The following SCAMP5 variants were observed in gnomAD, a reference collection of about 807,000 sequenced individuals.
SCAMP5 encodes secretory carrier-associated membrane protein 5.
A neutral mutation model predicts 28.3 loss-of-function variants in SCAMP5; 7 were observed. The ratio of observed to expected loss-of-function variants is 0.25; its 90% CI spans 0.14 to 0.46. SCAMP5 has a LOEUF of 0.46. SCAMP5 is among the 20% of genes least tolerant of loss of function. The probability of loss-of-function intolerance (pLI) is 0.99; values close to 1 mark genes in which losing one functional copy is unlikely to be tolerated. For synonymous variants in SCAMP5, 117 were observed against 116.4 expected, an observed-to-expected ratio of 1.00 and a Z score of -0.03; for missense variants, 192 against 312.5, an observed-to-expected ratio of 0.61 and a Z score of 2.91.
chr15:75,013,885 T>C (rs1363866004), intron 3 of SCAMP5, among the ~76,000 whole-genome samples: 1 of 152,028 alleles, frequency 6.6e-6, no homozygotes, highest in Non-Finnish European at 1.5e-5. Context: ...GCATCAATGT[T>C]CTAAGGTTTT....
intron 3 of SCAMP5, among the ~76,000 whole-genome samples, chr15:75,014,754 G>A (rs1034396870): frequency 8.5e-5 from 13 of 152,188 alleles, no homozygotes; most frequent in African/African-American, 3.1e-4. Flanking sequence ...GAGCTCATGG[G>A]TATCCATTCC....
intron 3 of SCAMP5, among the ~76,000 whole-genome samples, chr15:75,016,105 C>T (rs1042969194): frequency 6.6e-6 from 1 of 152,084 alleles, no homozygotes; most frequent in Non-Finnish European, 1.5e-5. Context: ...AGGTCGGTTT[C>T]CCATGTCTTG....
chr15:75,009,858 A>T (rs2065795121), intron 1 of SCAMP5: 1 of 152,200 alleles, frequency 6.6e-6, no homozygotes, highest in Non-Finnish European at 1.5e-5. Context: ...TGCTTGGAGA[A>T]TGTTCACAAA....
chr15:75,002,370 C>A (rs1056151638), intron 1 of SCAMP5, among the ~76,000 whole-genome samples: 1 of 151,942 alleles, frequency 6.6e-6, no homozygotes, highest in Non-Finnish European at 1.5e-5. Context: ...ATGTATCCTA[C>A]ACATCTCTGG....
At chr15:75,017,043 A>G (rs772907904) in intron 4 of SCAMP5, among the ~76,000 whole-genome samples, 3 of 151,080 alleles carry the variant, frequency 2.0e-5, no homozygotes, top group Non-Finnish European at 4.4e-5. Flanking sequence ...AGGCAGCTGC[A>G]TGTTAAATTT....
intron 1 of SCAMP5, among the ~76,000 whole-genome samples, chr15:75,006,413 G>A (rs59553005): frequency 0.021 from 3,148 of 152,162 alleles, 103 homozygotes; most frequent in African/African-American, 0.072. Context: ...AGCACTTTGG[G>A]AGGCTGAGGT....
intron 1 of SCAMP5, among the ~76,000 whole-genome samples, chr15:75,003,222 C>G (rs183370661): frequency 2.9e-4 from 44 of 152,322 alleles, no homozygotes; most frequent in African/African-American, 1.0e-3. Flanking sequence ...GGTGCCCAGC[C>G]TGCAAATTGG....
chr15:75,015,180 C>CT (rs3833823), intron 3 of SCAMP5, among the ~76,000 whole-genome samples: 25,911 of 152,042 alleles, frequency 0.17, 3,283 homozygotes, highest in South Asian at 0.43. Context: ...CCTTGAGGTG[C>CT]TTAAGGGTTC....
intron 1 of SCAMP5, among the ~76,000 whole-genome samples, chr15:75,011,050 T>C (rs888226200): frequency 1.3e-5 from 2 of 151,864 alleles, no homozygotes; most frequent in Non-Finnish European, 2.9e-5. Flanking sequence ...CAAAAAAATA[T>C]AAAAATTAGC....
Position 75,018,916 on chromosome 15 carries a change from G to T in SCAMP5, c.641G>T (p.Gly214Val). ...AACGCAGCCATGGGGGCAGCCCAGG[G>T]TGCCATGAATCAGCCTCAGACTCAG... ...AQNAAMGAAQ[G>V]AMNQPQTQYS... Residue 214 changes from glycine (G) to valine (V), a missense_variant, in exon 7 of 7, where the codon GGT becomes GTT. Transcript: ENST00000425597. This position sits in a 1 kb window ranked among gnomAD's most constrained non-coding sequence, Gnocchi z 5.6. The T allele has an allele frequency of 6.3e-7, 1 of 1,575,778 alleles. No homozygotes were observed. Among genetic ancestry groups the T allele is most frequent in the Non-Finnish European group, 8.6e-7 (1 of 1,169,030 alleles).
Position 75,011,780 on chromosome 15 carries a change from C to T in SCAMP5, c.-48-12C>T. The T allele has an allele frequency of 1.3e-6, 2 of 1,546,264 alleles. No homozygotes were observed. The highest frequency in any genetic ancestry group is 1.8e-6 in the Non-Finnish European group (2 of 1,120,596). On this transcript the variant is annotated splice_polypyrimidine_tract_variant and intron_variant, in intron 1 of 6. Coordinates refer to ENST00000425597, the MANE Select transcript of SCAMP5 (RefSeq NM_138967.4). ...CTGATCTCATCCTTCTCTGGCTTTT[C>T]TTTCCTTGCAGTTCAGGACAAAGAG...
chr15:75,018,753 T>C lies in SCAMP5; in HGVS notation c.514-36T>C. The C allele has an allele frequency of 6.5e-7, 1 of 1,528,448 alleles. No individual in the cohort carries two copies. The highest frequency in any genetic ancestry group is 2.2e-5 in the East Asian group (1 of 44,472). 94.7% of individuals were successfully genotyped at this position (1,528,448 alleles called of 1,614,324 possible). On this transcript the variant is annotated intron_variant, in intron 6 of 6. Transcript: ENST00000425597. This position sits in a 1 kb window ranked among gnomAD's most constrained non-coding sequence, Gnocchi z 5.6. ...TTTCCTGGATGGGCTGCCTTTTCTC[T>C]TTGATTAACCCTTCTTTACGCTCTT...
rs1463987909 is a variant in SCAMP5, at chr15:75,018,839, G to A, written c.564G>A (p.Glu188=). 1 of 1,601,556 alleles carries A rather than the reference G, an allele frequency of 6.2e-7. No individual in the cohort carries two copies. ...GGGGGAGTTTCAGCAAAGCTCAGGAGGAGTGGACCACAGGGGCCTGGAAGA... is the reference window on the plus strand; with the variant it reads ...GGGGGAGTTTCAGCAAAGCTCAGGAAGAGTGGACCACAGGGGCCTGGAAGA... ...GSGGSFSKAQ[E]EWTTGAWKNP... is the part of the protein sequence containing the mutation. The change falls in exon 7 of 7, where the codon GAG becomes GAA. Residue 188 remains glutamate, a synonymous_variant. Coordinates refer to ENST00000425597, the MANE Select transcript of SCAMP5 (RefSeq NM_138967.4). This position sits in a 1 kb window ranked among gnomAD's most constrained non-coding sequence, Gnocchi z 5.6.
At chr15:75,014,095 G>T (rs2065838526) in intron 3 of SCAMP5, among the ~76,000 whole-genome samples, 1 of 152,156 alleles carries the variant, frequency 6.6e-6, no homozygotes, top group Admixed American at 6.5e-5. Context: ...AACTGCAGTT[G>T]GGTTCTGCTA....
rs556089428 is a variant in SCAMP5, at chr15:75,006,732, G to A, written c.-48-5060G>A. ...AGAGCTTGCAGTGAGCCGAGATCAC[G>A]CCGCTGCACTCTGGCCTGGGTGACA... On this transcript the variant is annotated intron_variant, in intron 1 of 6. Coordinates refer to ENST00000425597, the MANE Select transcript of SCAMP5 (RefSeq NM_138967.4). 1.5e-3 allele frequency among the ~76,000 whole-genome samples: 234 copies of A among 151,184 alleles called. 1 individual carries two copies. Among genetic ancestry groups the A allele is most frequent in the Admixed American group, 3.1e-3 (47 of 15,174 alleles).
At position 74,996,987 on chromosome 15, in the gene SCAMP5, G is replaced by A. The variant is rs534648190; in HGVS notation, c.-49+1314G>A. On this transcript the variant is annotated intron_variant, in intron 1 of 6. Transcript: ENST00000425597. The surrounding 1 kb of genome is among the most constrained non-coding windows in gnomAD (Gnocchi z 4.1). ...CTAGAGAGAGACCTTGGGCTCTGTG[G>A]CTGTTTCTTTAACCGTTTCCTGAGT... Among the ~76,000 whole-genome samples the A allele has an allele frequency of 6.6e-6, 1 of 152,226 alleles. No individual in the cohort carries two copies. The highest frequency in any genetic ancestry group is 2.1e-4 in the South Asian group (1 of 4,812).
intron 1 of SCAMP5, among the ~76,000 whole-genome samples, chr15:75,005,385 G>A (rs1406580560): frequency 2.6e-5 from 4 of 152,074 alleles, no homozygotes; most frequent in Non-Finnish European, 4.4e-5. Flanking sequence ...GCTTGAACTT[G>A]GGAGGCGGAG....
chr15:74,997,830 G>A (rs2141419405), intron 1 of SCAMP5, among the ~76,000 whole-genome samples: 1 of 152,344 alleles, frequency 6.6e-6, no homozygotes, highest in East Asian at 1.9e-4. Context: ...ATGGCCAGGA[G>A]ACTGCTGTTT....
At chr15:75,000,917 C>T (rs2065700182) in intron 1 of SCAMP5, among the ~76,000 whole-genome samples, 1 of 152,138 alleles carries the variant, frequency 6.6e-6, no homozygotes, top group African/African-American at 2.4e-5. Flanking sequence ...GACTTTCACA[C>T]CTGCTTTCCT....
Sources: allele counts gnomAD v4.1 joint callset (sites outside exome capture counted in the v4.1 genomes callset), GRCh38; gene constraint gnomAD v4.1.1; non-coding constraint Gnocchi (gnomAD v3.1); transcripts MANE v1.5; gene names NCBI Gene and HGNC (gene_info 2026-07-23, HGNC 2026-07-21).